The following TENM2 variants were observed in gnomAD, a reference collection of about 807,000 sequenced individuals.
The protein encoded by TENM2 is teneurin transmembrane protein 2, also known as teneurin-2.
In TENM2, 52 loss-of-function variants were observed where a neutral mutation model predicts 245.2. The ratio of observed to expected loss-of-function variants is 0.21; its 90% CI spans 0.17 to 0.27. The LOEUF is 0.27. Among genes scored for constraint, TENM2 ranks in the 10% least tolerant of loss-of-function variants. TENM2 has a pLI of 1.00. For missense variants in TENM2, 3,046 were observed against 3,666.8 expected, an observed-to-expected ratio of 0.83 and a Z score of 4.37; for synonymous variants, 1,363 against 1,438.9, an observed-to-expected ratio of 0.95 and a Z score of 1.19.
chr5:167,772,514 G>A (rs958774916), intron 2 of TENM2, among the ~76,000 whole-genome samples: 1 of 152,090 alleles, frequency 6.6e-6, no homozygotes, highest in African/African-American at 2.4e-5. Context: ...TGGGGAAAGG[G>A]TACAGGCCAA....
chr5:167,254,927 T>C, the TENM2 span, among the ~76,000 whole-genome samples: 11 of 152,118 alleles, frequency 7.2e-5, no homozygotes, highest in Admixed American at 2.6e-4. Context: ...GTGTGTGGAA[T>C]AGAGTCAGTA....
At chr5:167,349,367 A>G (rs1341056641) in intron 1 of TENM2, among the ~76,000 whole-genome samples, 3 of 152,160 alleles carry the variant, frequency 2.0e-5, no homozygotes, top group Admixed American at 2.0e-4. Context: ...CAGGAAATAT[A>G]CCCAAGGTCC....
intron 1 of TENM2, among the ~76,000 whole-genome samples, chr5:167,328,038 A>T (rs1757191613): frequency 6.6e-6 from 1 of 152,046 alleles, no homozygotes; most frequent in African/African-American, 2.4e-5. Flanking sequence ...CAGCCACTGG[A>T]TATAGTGGAA....
At chr5:167,290,616 ACT>A (rs1219211555) in intron 1 of TENM2, among the ~76,000 whole-genome samples, 3 of 152,136 alleles carry the variant, frequency 2.0e-5, no homozygotes, top group East Asian at 1.9e-4. Context: ...AGTGTGTCTG[ACT>A]CTCTATCCAC....
intron 5 of TENM2, among the ~76,000 whole-genome samples, chr5:168,039,268 G>A (rs942818068): frequency 2.6e-5 from 4 of 152,152 alleles, no homozygotes; most frequent in African/African-American, 9.7e-5. Context: ...GTAGTCAGTG[G>A]TCTCACCGAT....
At chr5:167,456,010 T>C (rs896011389) in intron 2 of TENM2, among the ~76,000 whole-genome samples, 3 of 152,142 alleles carry the variant, frequency 2.0e-5, no homozygotes, top group African/African-American at 7.2e-5. Context: ...TGAGAGGTCT[T>C]ACTAATTTTT....
At chr5:167,541,384 G>A (rs1444163040) in intron 2 of TENM2, among the ~76,000 whole-genome samples, 2 of 152,060 alleles carry the variant, frequency 1.3e-5, no homozygotes, top group African/African-American at 2.4e-5. Flanking sequence ...TAAATGCCAC[G>A]GGGAGTCTGT....
At chr5:167,699,295 C>T (rs1441299549) in intron 2 of TENM2, among the ~76,000 whole-genome samples, 1 of 151,920 alleles carries the variant, frequency 6.6e-6, no homozygotes, top group Non-Finnish European at 1.5e-5. Flanking sequence ...CTCATCCAAG[C>T]CCAATAAAAT....
rs143569711 is a variant in TENM2, at chr5:168,013,890, C to T, written c.1186+20708C>T. On this transcript the variant is annotated intron_variant, in intron 5 of 28. Transcript: ENST00000518659. ...GCACTAGGAAAGGGTCTGTTCTGGA[C>T]CTCTCTCTTGGCTTCTAGGAGTTCT... Among the ~76,000 whole-genome samples, 425 of 152,284 alleles carry T rather than the reference C, an allele frequency of 2.8e-3. 2 individuals carry two copies. Among genetic ancestry groups the T allele is most frequent in the Non-Finnish European group, 4.9e-3 (330 of 68,010 alleles).
chr5:168,041,059 C>T (rs892906529), intron 5 of TENM2, among the ~76,000 whole-genome samples: 5 of 152,140 alleles, frequency 3.3e-5, no homozygotes, highest in African/African-American at 9.7e-5. Context: ...CTGTCCTGTT[C>T]GGTCTTGTCT....
chr5:167,604,233 G>A (rs1314215903), intron 2 of TENM2, among the ~76,000 whole-genome samples: 2 of 152,196 alleles, frequency 1.3e-5, no homozygotes, highest in Non-Finnish European at 2.9e-5. Context: ...TATTTATCAA[G>A]AAGGGTAGAA....
chr5:167,467,339 A>G (rs1195924087), intron 2 of TENM2, among the ~76,000 whole-genome samples: 2 of 152,078 alleles, frequency 1.3e-5, no homozygotes, highest in African/African-American at 4.8e-5. Context: ...AAGTTACCTG[A>G]GGCCTCCCCA....
intron 13 of TENM2, among the ~76,000 whole-genome samples, chr5:168,182,134 C>G (rs916579203): frequency 9.9e-5 from 15 of 152,236 alleles, no homozygotes; most frequent in South Asian, 2.1e-4. Context: ...TTAAAAGGTT[C>G]GCAATGCAGG....
chr5:167,150,555 A>G, the TENM2 span, among the ~76,000 whole-genome samples: 2 of 152,222 alleles, frequency 1.3e-5, no homozygotes, highest in Admixed American at 1.3e-4. Context: ...TAACACTCAC[A>G]TAGTGCTTAC....
At position 168,105,649 on chromosome 5, in the gene TENM2, A is replaced by G. The variant is rs144292925; in HGVS notation, c.1813+7522A>G. ...CACCAAGAAGACTGAATAGTATAGA[A>G]TTGCATTAATTGAGCAACTTAATAG... On this transcript the variant is annotated intron_variant, in intron 9 of 28. Transcript: ENST00000518659. Among the ~76,000 whole-genome samples the G allele has an allele frequency of 2.8e-4, 43 of 152,314 alleles. No individual in the cohort carries two copies. In the East Asian group the frequency reaches 6.6e-3, roughly 23 times the overall value.
chr5:167,353,500 GTTTT>G (rs59240930), intron 1 of TENM2, among the ~76,000 whole-genome samples: 73 of 79,442 alleles, frequency 9.2e-4, no homozygotes, highest in African/African-American at 3.7e-3. Context: ...TGTTGTTGTT[GTTTT>G]TTTTTTTTTT....
chr5:167,990,536 C>G lies in TENM2; in HGVS notation c.948-2408C>G, dbSNP rs115804468. On this transcript the variant is annotated intron_variant, in intron 4 of 28. Coordinates refer to ENST00000518659, the Ensembl canonical transcript of TENM2. ...TTTTACAAATGAAGAGATGGAGGTT[C>G]TCAAAAGCAGTGTCAGGTACTTGTC... Among the ~76,000 whole-genome samples the G allele has an allele frequency of 1.9e-3, 286 of 152,264 alleles. 1 individual carries two copies. The Middle Eastern group carries it at 0.034, about 18-fold the overall frequency.
the TENM2 span, among the ~76,000 whole-genome samples, chr5:167,105,610 C>T: frequency 6.6e-6 from 1 of 151,932 alleles, no homozygotes; most frequent in East Asian, 1.9e-4. Context: ...AGTGATCGGC[C>T]GGGCGCGGTG....
At chr5:167,453,407 A>G (rs1031200635) in intron 2 of TENM2, among the ~76,000 whole-genome samples, 1 of 152,142 alleles carries the variant, frequency 6.6e-6, no homozygotes. Flanking sequence ...TTGTTTGAGT[A>G]AAAAAGACTT....
Sources: allele counts gnomAD v4.1 joint callset (sites outside exome capture counted in the v4.1 genomes callset), GRCh38; gene constraint gnomAD v4.1.1; transcripts MANE v1.5; gene names NCBI Gene and HGNC (gene_info 2026-07-23, HGNC 2026-07-21).